The following SETDB1 variants were observed in gnomAD, a reference collection of about 807,000 sequenced individuals.
The protein encoded by SETDB1 is SET domain bifurcated histone lysine methyltransferase 1.
SETDB1 carries 31 observed loss-of-function variants against 137.4 expected under a neutral mutation model. The observed-to-expected ratio is 0.23, with a 90% CI of 0.17 to 0.30. The LOEUF (loss-of-function observed/expected upper bound fraction) is 0.30. Among genes scored for constraint, SETDB1 ranks in the 10% least tolerant of loss-of-function variants. The probability of loss-of-function intolerance (pLI) is 1.00; values close to 1 mark genes in which losing one functional copy is unlikely to be tolerated. For missense variants in SETDB1, 1,113 were observed against 1,631.5 expected (o/e 0.68, Z 5.47); for synonymous variants, 548 against 579.9 (o/e 0.95, Z 0.79).
chr1:150,951,575 T>G, intron 14 of SETDB1, 94 bp downstream of exon 14: 2 of 670,004 alleles, frequency 3.0e-6, no homozygotes, highest in South Asian at 4.4e-5. Context: ...AATCTAAAAA[T>G]TGGAACCAAA....
At position 150,964,443 on chromosome 1, in the gene SETDB1, C is replaced by A; in HGVS notation, c.*79C>A. ...TCTTCCTGATTGTTGAACCCTGACCCGAAGTCTCTGGGCTAGCTACTCCCC... is the reference window on the plus strand; with the variant it reads ...TCTTCCTGATTGTTGAACCCTGACCAGAAGTCTCTGGGCTAGCTACTCCCC... On this transcript the variant is annotated 3_prime_UTR_variant, in exon 22 of 22. Coordinates refer to ENST00000692827, the MANE Select transcript of SETDB1 (RefSeq NM_001366418.1). 1 of 1,052,312 alleles carries A rather than the reference C, an allele frequency of 9.5e-7. No individual in the cohort carries two copies. Among genetic ancestry groups the A allele is most frequent in the Non-Finnish European group, 1.5e-6 (1 of 687,184 alleles). The allele number at this position is 1,052,312 out of a possible 1,614,324, so 65.2% of individuals were successfully genotyped here. A position where few individuals can be genotyped will look rare whatever the true frequency, so the allele number is the denominator to read the frequency against.
chr1:150,956,169 C>T (rs1018539642), intron 14 of SETDB1, among the ~76,000 whole-genome samples: 7 of 150,236 alleles, frequency 4.7e-5, no homozygotes, highest in African/African-American at 1.7e-4. Flanking sequence ...AGGTGGATTA[C>T]GAGGTCAGGA....
At chr1:150,939,291 C>T in intron 3 of SETDB1, among the ~76,000 whole-genome samples, 1 of 115,634 alleles carries the variant, frequency 8.6e-6, no homozygotes. Context: ...CAGGGTTTTG[C>T]TGTGTTGTTC....
intron 15 of SETDB1, 25 bp from the exon 16 acceptor site, chr1:150,960,538 G>T (rs747510779): frequency 6.3e-7 from 1 of 1,582,156 alleles, no homozygotes; most frequent in Admixed American, 1.9e-5. Context: ...AACCCTAGAA[G>T]GCCTTTAATT....
chr1:150,939,217 G>C (rs1039549600), intron 3 of SETDB1, among the ~76,000 whole-genome samples: 1 of 146,036 alleles, frequency 6.8e-6, no homozygotes, highest in Non-Finnish European at 1.5e-5. Context: ...CTCCCAAAGT[G>C]CTAGAAGTAC....
chr1:150,963,775 T>G (rs115690224), intron 20 of SETDB1, 34 bp downstream of exon 20: 70 of 1,593,626 alleles, frequency 4.4e-5, no homozygotes, highest in Non-Finnish European at 5.6e-5. Flanking sequence ...AGATGCTGGA[T>G]TATCCCATGG....
intron 9 of SETDB1, 77 bp from the exon 10 acceptor site, chr1:150,946,809 A>G (rs1670345075): frequency 6.5e-7 from 1 of 1,544,028 alleles, no homozygotes; most frequent in Non-Finnish European, 8.9e-7. Flanking sequence ...GACACATGGT[A>G]TATATCCTCT....
Position 150,964,080 on chromosome 1 carries a change from G to C in SETDB1, c.3758G>C (p.Ser1253Thr). 6.2e-7 allele frequency: 1 copy of C among 1,613,612 alleles called. No homozygotes were observed. The highest frequency in any genetic ancestry group is 8.5e-7 in the Non-Finnish European group (1 of 1,179,564). ...LRFPWVAFFA[S>T]KRIRAGTELT... ...TTCCCCTGGGTGGCCTTCTTTGCCA[G>C]CAAGTAAGGAGTCAGGAAAGGGGAT... The change falls in exon 21 of 22, where the codon AGC (serine) becomes ACC (threonine). Residue 1253 changes from serine to threonine, a missense_variant. Coordinates refer to ENST00000692827, the MANE Select transcript of SETDB1 (RefSeq NM_001366418.1).
At position 150,964,383 on chromosome 1, in the gene SETDB1, A is replaced by G. The variant is rs1340727827; in HGVS notation, c.*19A>G. 3 of 1,565,768 alleles carry G rather than the reference A, an allele frequency of 1.9e-6. No homozygotes were observed. The highest frequency in any genetic ancestry group is 1.7e-5 in the Admixed American group (1 of 59,440). ...TCTTTAGAGGACAGCCTTCTTCCCA[A>G]CCCTTCTTGAACTGTCGTTTCCTCA... On this transcript the variant is annotated 3_prime_UTR_variant, in exon 22 of 22. Coordinates refer to ENST00000692827, the MANE Select transcript of SETDB1 (RefSeq NM_001366418.1).
Position 150,950,675 on chromosome 1 carries a change from C to G in SETDB1, c.1801C>G (p.Leu601Val). The G allele has an allele frequency of 6.2e-7, 1 of 1,614,226 alleles. No homozygotes were observed. Among genetic ancestry groups the G allele is most frequent in the South Asian group, 1.1e-5 (1 of 91,092 alleles). ...TGAGCAGTACCGGGGCAAGAACCCT[C>G]TGCTGGTCCCGTTACTATATGACTT... ...RNEQYRGKNP[L>V]LVPLLYDFRR... The change falls in exon 13 of 22, where the codon CTG becomes GTG. Residue 601 changes from leucine (L) to valine (V), a missense_variant. Coordinates refer to ENST00000692827, the MANE Select transcript of SETDB1 (RefSeq NM_001366418.1).
At position 150,951,061 on chromosome 1, in the gene SETDB1, C is replaced by T; in HGVS notation, c.2187C>T (p.Gly729=). 2.5e-6 allele frequency: 4 copies of T among 1,611,462 alleles called. No individual in the cohort carries two copies. Among genetic ancestry groups the T allele is most frequent in the Non-Finnish European group, 2.5e-6 (3 of 1,177,806 alleles). The change falls in exon 13 of 22, where the codon GGC becomes GGT. Residue 729 remains glycine, a synonymous_variant. Coordinates refer to ENST00000692827, the MANE Select transcript of SETDB1 (RefSeq NM_001366418.1). ...FINTGPEFLV[G]CDCKDGCRDK... Reference sequence around the variant, plus strand: ...ACACAGGCCCTGAATTTCTGGTTGGCTGTGACTGCAAGGATGGGTGTCGGG... The same window carrying T: ...ACACAGGCCCTGAATTTCTGGTTGGTTGTGACTGCAAGGATGGGTGTCGGG...
chr1:150,935,018 G>C (rs587645874), intron 3 of SETDB1, among the ~76,000 whole-genome samples: 2 of 152,056 alleles, frequency 1.3e-5, no homozygotes, highest in Admixed American at 6.6e-5. Context: ...ACAGGGTTTC[G>C]TCATGTAGTT....
rs1361980061 is a variant in SETDB1, at chr1:150,962,178, T to C, written c.3161+20T>C. 2 of 1,612,940 alleles carry C rather than the reference T, an allele frequency of 1.2e-6. No homozygotes were observed. The highest frequency in any genetic ancestry group is 1.7e-6 in the Non-Finnish European group (2 of 1,178,958). On this transcript the variant is annotated intron_variant, in intron 17 of 21. Coordinates refer to ENST00000692827, the MANE Select transcript of SETDB1 (RefSeq NM_001366418.1). Reference sequence around the variant, plus strand: ...GTCAGTGTAAGTGCCTTTTGTTTTGTTTTGTTTTGAGACAGAGTCTTGCTT... The same window carrying C: ...GTCAGTGTAAGTGCCTTTTGTTTTGCTTTGTTTTGAGACAGAGTCTTGCTT...
chr1:150,957,110 A>G (rs952027234), intron 14 of SETDB1, among the ~76,000 whole-genome samples: 1 of 148,688 alleles, frequency 6.7e-6, no homozygotes, highest in African/African-American at 2.6e-5. Context: ...GAGCAAGACC[A>G]TGACTCAAAA....
chr1:150,929,732 G>A (rs1669666276), intron 2 of SETDB1, among the ~76,000 whole-genome samples: 1 of 152,092 alleles, frequency 6.6e-6, no homozygotes, highest in South Asian at 2.1e-4. Flanking sequence ...AAGGGTGAAA[G>A]TACTGTACTT....
chr1:150,964,319 A>G lies in SETDB1; in HGVS notation c.3834A>G (p.Leu1278=), dbSNP rs1466656496. The G allele has an allele frequency of 2.5e-6, 4 of 1,613,970 alleles. No individual in the cohort carries two copies. Among genetic ancestry groups the G allele is most frequent in the Non-Finnish European group, 3.4e-6 (4 of 1,179,958 alleles). Reference sequence around the variant, plus strand: ...TGGGCAGTGTGGAAGGCAAGGAGCTACTCTGTTGCTGTGGGGCCATTGAAT... The same window carrying G: ...TGGGCAGTGTGGAAGGCAAGGAGCTGCTCTGTTGCTGTGGGGCCATTGAAT... ...YEVGSVEGKE[L]LCCCGAIECR... Residue 1278 remains leucine (L), a synonymous_variant, in exon 22 of 22, where the codon CTA becomes CTG. Transcript: ENST00000692827.
chr1:150,961,401 C>T, intron 16 of SETDB1: 1 of 540,754 alleles, frequency 1.8e-6, no homozygotes, highest in Non-Finnish European at 3.3e-6. Flanking sequence ...ACCTGTAATC[C>T]CAACACTTTG....
intron 18 of SETDB1, 93 bp from the exon 19 acceptor site, chr1:150,962,881 C>A: frequency 6.6e-7 from 1 of 1,508,592 alleles, no homozygotes. Context: ...CCTCTTGCCA[C>A]CGCCCTTTCC....
chr1:150,951,214 A>T, intron 13 of SETDB1, 124 bp downstream of exon 13: 1 of 1,229,004 alleles, frequency 8.1e-7, no homozygotes, highest in Non-Finnish European at 1.2e-6. Flanking sequence ...CCTCACCTGG[A>T]ACTCCTGCTA....
Sources: gnomAD v4.1 joint callset for allele counts (sites outside exome capture counted in the v4.1 genomes callset) on GRCh38, gnomAD v4.1.1 for gene constraint, MANE v1.5 for transcripts, NCBI Gene and HGNC (gene_info 2026-07-23, HGNC 2026-07-21) for gene names.